RNF175: variants seen among roughly 807,000 people sequenced by gnomAD.
RNF175 encodes ring finger protein 175.
Under a neutral mutation model 50.0 loss-of-function variants are expected in RNF175, and 38 were observed. The observed-to-expected ratio is 0.76, with a 90% CI of 0.59 to 1.00. The LOEUF is 1.00. RNF175 is among the 50% of genes least tolerant of loss of function. RNF175 has a pLI of 0.00. For missense variants in RNF175, 388 were observed against 409.6 expected (o/e 0.95, Z 0.46); for synonymous variants, 155 against 146.1 (o/e 1.06, Z -0.44).
At chr4:153,743,477 C>T (rs977224156) in intron 3 of RNF175, among the ~76,000 whole-genome samples, 1 of 152,162 alleles carries the variant, frequency 6.6e-6, no homozygotes, top group Non-Finnish European at 1.5e-5. Flanking sequence ...CAGAGACCAA[C>T]AAAGTCTATG....
At chr4:153,729,770 G>C (rs942343964) in intron 3 of RNF175, 1 of 984,770 alleles carries the variant, frequency 1.0e-6, no homozygotes, top group South Asian at 4.7e-5. Context: ...TGTTATCATA[G>C]ATATGCACTT....
chr4:153,732,536 G>T (rs949181772), intron 3 of RNF175, among the ~76,000 whole-genome samples: 1 of 152,186 alleles, frequency 6.6e-6, no homozygotes, highest in Non-Finnish European at 1.5e-5. Flanking sequence ...TAGGCAGGAA[G>T]GTTGATTTAA....
intron 3 of RNF175, among the ~76,000 whole-genome samples, chr4:153,740,750 A>C (rs892678121): frequency 6.6e-6 from 1 of 152,140 alleles, no homozygotes; most frequent in Non-Finnish European, 1.5e-5. Context: ...TTGTCTCTTC[A>C]GACTGTGTTT....
intron 3 of RNF175, among the ~76,000 whole-genome samples, chr4:153,742,907 CTATGTAGCCCCTTGTAGAAAAGAG>C (rs1357929864): frequency 6.6e-6 from 1 of 151,736 alleles, no homozygotes; most frequent in Non-Finnish European, 1.5e-5. Context: ...ATAAATTTCA[CTATGTAGCCCCTTGTAGAAAAGAG>C]CCAGCAATGT....
At chr4:153,755,679 G>A (rs1353882127) in intron 1 of RNF175, among the ~76,000 whole-genome samples, 1 of 138,668 alleles carries the variant, frequency 7.2e-6, no homozygotes, top group African/African-American at 2.6e-5. Flanking sequence ...CAAAAAAAAT[G>A]AGTTCTAGAA....
chr4:153,749,432 G>A (rs773588764), intron 2 of RNF175, among the ~76,000 whole-genome samples: 7 of 152,190 alleles, frequency 4.6e-5, no homozygotes, highest in Non-Finnish European at 8.8e-5. Context: ...TTATGCCAGA[G>A]GAGAGAATAT....
intron 8 of RNF175, among the ~76,000 whole-genome samples, chr4:153,712,031 AC>A (rs1362289457): frequency 2.0e-5 from 3 of 152,174 alleles, no homozygotes; most frequent in African/African-American, 7.2e-5. Flanking sequence ...AATTTGGTAC[AC>A]CCTAACATAT....
chr4:153,734,184 T>C (rs781606344), intron 3 of RNF175, among the ~76,000 whole-genome samples: 6 of 152,236 alleles, frequency 3.9e-5, no homozygotes, highest in Non-Finnish European at 7.3e-5. Context: ...GGTTTTTGTG[T>C]GAATGTAGGT....
At chr4:153,737,275 G>T (rs983876144) in intron 3 of RNF175, among the ~76,000 whole-genome samples, 3 of 151,632 alleles carry the variant, frequency 2.0e-5, no homozygotes, top group Admixed American at 6.6e-5. Flanking sequence ...TGGTTTCATT[G>T]TGTTTCCTCT....
intron 3 of RNF175, among the ~76,000 whole-genome samples, chr4:153,741,144 C>T (rs1739635222): frequency 6.6e-6 from 1 of 151,950 alleles, no homozygotes. Context: ...CCTGGGGTGG[C>T]CTTTACAAGT....
At chr4:153,718,242 T>TTTTTTTTTTTTTC (rs1738105637) in intron 6 of RNF175, among the ~76,000 whole-genome samples, 1 of 134,874 alleles carries the variant, frequency 7.4e-6, no homozygotes, top group Non-Finnish European at 1.6e-5. Context: ...TTGTTTGTTT[T>TTTTTTTTTTTTTC]TTTTTTTTTT....
At chr4:153,753,718 C>T (rs1187493016) in intron 1 of RNF175, among the ~76,000 whole-genome samples, 3 of 151,638 alleles carry the variant, frequency 2.0e-5, no homozygotes, top group South Asian at 2.1e-4. Context: ...CCACCATGCC[C>T]AGCTAAATTT....
At chr4:153,711,048 A>G (rs1459028748) in intron 8 of RNF175, among the ~76,000 whole-genome samples, 1 of 152,204 alleles carries the variant, frequency 6.6e-6, no homozygotes, top group African/African-American at 2.4e-5. Context: ...AGTCTCAATA[A>G]AAGAGTAGTA....
intron 1 of RNF175, among the ~76,000 whole-genome samples, chr4:153,755,206 C>G (rs1740501721): frequency 1.3e-5 from 2 of 152,258 alleles, no homozygotes; most frequent in Admixed American, 1.3e-4. Flanking sequence ...TGGCTGGCAG[C>G]CAGACATGCC....
At chr4:153,752,183 G>A (rs554222087) in intron 1 of RNF175, among the ~76,000 whole-genome samples, 16 of 152,318 alleles carry the variant, frequency 1.1e-4, no homozygotes, top group Admixed American at 7.8e-4. Context: ...GCCAATCATT[G>A]GAAAGACGTA....
chr4:153,726,353 C>T (rs897403449), intron 4 of RNF175, among the ~76,000 whole-genome samples: 3 of 152,182 alleles, frequency 2.0e-5, no homozygotes, highest in African/African-American at 7.2e-5. Context: ...GATCCACCCA[C>T]CTCGGCCTCC....
At chr4:153,751,834 C>G (rs1485122015) in intron 1 of RNF175, among the ~76,000 whole-genome samples, 2 of 152,196 alleles carry the variant, frequency 1.3e-5, no homozygotes, top group Non-Finnish European at 2.9e-5. Flanking sequence ...CTGAGCATCC[C>G]TAAAAACCAT....
intron 3 of RNF175, chr4:153,729,596 T>A: frequency 3.4e-6 from 3 of 879,230 alleles, no homozygotes; most frequent in Non-Finnish European, 4.1e-6. Flanking sequence ...GGACAGGACT[T>A]CAAGATAGAA....
intron 3 of RNF175, among the ~76,000 whole-genome samples, chr4:153,740,209 T>C (rs1219926936): frequency 6.6e-6 from 1 of 152,108 alleles, no homozygotes; most frequent in Non-Finnish European, 1.5e-5. Flanking sequence ...AGGTTCTTTG[T>C]AAGTTTCCAC....
Sources: gnomAD v4.1 joint callset for allele counts (sites outside exome capture counted in the v4.1 genomes callset) on GRCh38, gnomAD v4.1.1 for gene constraint, MANE v1.5 for transcripts, NCBI Gene and HGNC (gene_info 2026-07-23, HGNC 2026-07-21) for gene names.